The following PSIP1 variants were observed in gnomAD, a reference collection of about 807,000 sequenced individuals.
The protein encoded by PSIP1 is PC4 and SFRS1-interacting protein.
Under a neutral mutation model 74.7 loss-of-function variants are expected in PSIP1, and 19 were observed. That is an observed-to-expected ratio of 0.25 (90% confidence interval 0.18 to 0.37). PSIP1 has a LOEUF of 0.37. Ranked by LOEUF, PSIP1 falls within the 10% of genes least tolerant of loss-of-function variation. The probability of loss-of-function intolerance (pLI) is 1.00; values close to 1 mark genes in which losing one functional copy is unlikely to be tolerated. For synonymous variants in PSIP1, 222 were observed against 195.3 expected (o/e 1.14, Z -1.14); for missense variants, 601 against 614.3 (o/e 0.98, Z 0.23).
At chr9:15,490,179 A>T (rs2036758045) in intron 3 of PSIP1, 55 bp from the exon 4 acceptor site, 5 of 1,443,108 alleles carry the variant, frequency 3.5e-6, no homozygotes, top group Non-Finnish European at 3.7e-6. Flanking sequence ...TACATAATTT[A>T]TTAGATAAGA....
chr9:15,471,295 T>A lies in PSIP1; in HGVS notation c.978-1302A>T, dbSNP rs1453532357. 4 of 1,573,520 alleles carry A rather than the reference T, an allele frequency of 2.5e-6. No individual in the cohort carries two copies. The African/African-American group carries it at 5.4e-5, about 21-fold the overall frequency. On this transcript the variant is annotated intron_variant, in intron 10 of 15. Coordinates refer to ENST00000380733, the MANE Select transcript of PSIP1 (RefSeq NM_033222.5). ...CATTTCACACAAGCTGCATCTGAAA[T>A]GCTTTACAGAGCAAAACTGTCCAAG... is the stretch of plus-strand genomic sequence containing the variant.
chr9:15,468,918 A>G (rs749125331), intron 13 of PSIP1, 39 bp downstream of exon 13: 35 of 1,605,216 alleles, frequency 2.2e-5, no homozygotes, highest in Non-Finnish European at 2.8e-5. Flanking sequence ...TGAAGTAATG[A>G]CAAAATTCAA....
At chr9:15,492,153 A>G (rs1405198999) in intron 3 of PSIP1, 1 of 152,240 alleles carries the variant, frequency 6.6e-6, no homozygotes. Flanking sequence ...GTCTTAACTC[A>G]TTCCAGCATT....
rs1431528509 is a variant in PSIP1, at chr9:15,465,024, GGAGT to G, written c.*492_*495del. 1 of 220,724 alleles carries G rather than the reference GGAGT, an allele frequency of 4.5e-6. No homozygotes were observed. The highest frequency in any genetic ancestry group is 2.2e-5 in the African/African-American group (1 of 44,582). 13.7% of individuals were successfully genotyped at this position (220,724 alleles called of 1,614,324 possible). On this transcript the variant is annotated 3_prime_UTR_variant, in exon 16 of 16. Coordinates refer to ENST00000380733, the MANE Select transcript of PSIP1 (RefSeq NM_033222.5). Reference sequence around the variant, plus strand: ...ATTAAAATTAACTTTTGATAAAAAGGGAGTGAGTACTTGTATAGAAGTAACATTT... The same window carrying G: ...ATTAAAATTAACTTTTGATAAAAAGGGAGTACTTGTATAGAAGTAACATTT...
chr9:15,498,184 G>T (rs1473075474), intron 3 of PSIP1, among the ~76,000 whole-genome samples: 5 of 152,204 alleles, frequency 3.3e-5, no homozygotes, highest in Admixed American at 3.3e-4. Context: ...GGGAGGCCAA[G>T]GCGGGCGTGT....
At chr9:15,466,905 CAAT>C (rs1563863194) in intron 14 of PSIP1, 46 bp from the exon 15 acceptor site, 2 of 1,448,628 alleles carry the variant, frequency 1.4e-6, no homozygotes, top group African/African-American at 1.4e-5. Flanking sequence ...GCTTACAAAA[CAAT>C]AATTGAAGGT....
intron 10 of PSIP1, chr9:15,472,144 A>C (rs993439157): frequency 1.0e-6 from 1 of 984,322 alleles, no homozygotes; most frequent in Non-Finnish European, 1.2e-6. Flanking sequence ...GCACATACAT[A>C]ATAATGTACA....
rs985527373 is a variant in PSIP1, at chr9:15,486,161, G to A, written c.394-93C>T. ...CTAAAAGTTACAAGCACGTTTAACT[G>A]AAAGCATTGGGGAAATCTGTTTTGC... On this transcript the variant is annotated intron_variant, in intron 5 of 15. Transcript: ENST00000380733. The A allele has an allele frequency of 3.0e-6, 3 of 1,011,980 alleles. No homozygotes were observed. The African/African-American group carries it at 4.9e-5, about 16-fold the overall frequency. The allele number at this position is 1,011,980 out of a possible 1,614,324, so 62.7% of individuals were successfully genotyped here.
chr9:15,505,588 A>C (rs1159877708), intron 3 of PSIP1: 1 of 152,244 alleles, frequency 6.6e-6, no homozygotes, highest in East Asian at 1.9e-4. Flanking sequence ...CTATACAGAC[A>C]GTAGACTAGT....
chr9:15,506,913 T>C (rs2037616736), intron 2 of PSIP1, among the ~76,000 whole-genome samples: 1 of 152,216 alleles, frequency 6.6e-6, no homozygotes, highest in African/African-American at 2.4e-5. Context: ...TGCAGACATA[T>C]TATTATGTGC....
chr9:15,486,778 C>A, intron 5 of PSIP1, 49 bp downstream of exon 5: 1 of 1,340,640 alleles, frequency 7.5e-7, no homozygotes, highest in Non-Finnish European at 1.0e-6. Flanking sequence ...TTCATTATTT[C>A]TTCCTTGAAA....
At position 15,478,478 on chromosome 9, in the gene PSIP1, T is replaced by C. The variant is rs756698301; in HGVS notation, c.628A>G (p.Ile210Val). 10 of 1,577,998 alleles carry C rather than the reference T, an allele frequency of 6.3e-6. No individual in the cohort carries two copies. The highest frequency in any genetic ancestry group is 1.7e-4 in the Middle Eastern group (1 of 5,992). Residue 210 changes from isoleucine (I) to valine (V), a missense_variant and splice_region_variant, in exon 8 of 16, where the codon ATC (isoleucine) becomes GTC (valine). Physicochemically the swap from Ile to Val is conservative, Grantham distance 29. This residue lies in a region of PSIP1 where 538 missense variants were observed against 507.6 expected (regional missense o/e 1.06). Coordinates refer to ENST00000380733, the MANE Select transcript of PSIP1 (RefSeq NM_033222.5). Reference sequence around the variant, plus strand: ...ATTATACATTAAAAATAAACTCACATGTCACTCTCTGAAGGACAGGGCTGT... The same window carrying C: ...ATTATACATTAAAAATAAACTCACACGTCACTCTCTGAAGGACAGGGCTGT... ...VKQPCPSESD[I>V]ITEEDKSKKK...
At chr9:15,489,886 A>T in intron 4 of PSIP1, 100 bp downstream of exon 4, 1 of 1,040,134 alleles carries the variant, frequency 9.6e-7, no homozygotes, top group Non-Finnish European at 1.3e-6. Context: ...AACTAGTATG[A>T]AATTCCCAAG....
intron 3 of PSIP1, among the ~76,000 whole-genome samples, chr9:15,504,143 A>G (rs1275963400): frequency 6.6e-6 from 1 of 152,226 alleles, no homozygotes; most frequent in East Asian, 1.9e-4. Flanking sequence ...TCATAAGAAC[A>G]CTAAGGCAAA....
Position 15,510,248 on chromosome 9 carries a change from C to T in PSIP1, c.-60G>A, listed in dbSNP as rs1263583084. ...GAGGCGGCGAGGAGATGCGGCGGCG[C>T]GGGGATGCGGGCGGCGGACGCGGGC... On this transcript the variant is annotated 5_prime_UTR_variant, in exon 2 of 16. Coordinates refer to ENST00000380733, the MANE Select transcript of PSIP1 (RefSeq NM_033222.5). 2 of 1,526,814 alleles carry T rather than the reference C, an allele frequency of 1.3e-6. No individual in the cohort carries two copies. Among genetic ancestry groups the T allele is most frequent in the East Asian group, 2.4e-5 (1 of 41,480 alleles). 94.6% of individuals were successfully genotyped at this position (1,526,814 alleles called of 1,614,324 possible). A position where few individuals can be genotyped will look rare whatever the true frequency, so the allele number is the denominator to read the frequency against.
At chr9:15,476,297 C>T (rs886721567) in intron 8 of PSIP1, among the ~76,000 whole-genome samples, 3 of 152,160 alleles carry the variant, frequency 2.0e-5, no homozygotes, top group Non-Finnish European at 4.4e-5. Context: ...AACATGTAGT[C>T]ACTTGCTTTA....
chr9:15,477,118 C>T (rs2036122138), intron 8 of PSIP1, among the ~76,000 whole-genome samples: 1 of 152,078 alleles, frequency 6.6e-6, no homozygotes, highest in Admixed American at 6.5e-5. Context: ...TTCAGATTTC[C>T]TAGGGAATAA....
intron 6 of PSIP1, among the ~76,000 whole-genome samples, chr9:15,483,582 G>GTT (rs757957239): frequency 1.3e-5 from 2 of 152,014 alleles, no homozygotes; most frequent in Admixed American, 1.3e-4. Context: ...AAAAAAAAAT[G>GTT]TAAGTTCAAT....
intron 3 of PSIP1, 96 bp from the exon 4 acceptor site, chr9:15,490,220 A>G: frequency 1.8e-6 from 2 of 1,134,658 alleles, no homozygotes; most frequent in Non-Finnish European, 2.4e-6. Flanking sequence ...AAAAATACAG[A>G]ACCTAAACTG....
Sources: allele counts gnomAD v4.1 joint callset (sites outside exome capture counted in the v4.1 genomes callset), GRCh38; gene constraint gnomAD v4.1.1; regional missense constraint gnomAD v4.1.1; transcripts MANE v1.5; gene names NCBI Gene and HGNC (gene_info 2026-07-23, HGNC 2026-07-21).